The following GLIS3 variants were observed in gnomAD, a reference collection of about 807,000 sequenced individuals.
GLIS3 encodes the protein zinc finger protein GLIS3.
Under a neutral mutation model 78.6 loss-of-function variants are expected in GLIS3, and 53 were observed. That is an observed-to-expected ratio of 0.67 (90% CI 0.54 to 0.85). GLIS3 has a LOEUF of 0.85. Among genes scored for constraint, GLIS3 ranks in the 40% least tolerant of loss-of-function variants. The probability of loss-of-function intolerance (pLI) is 0.00; values close to 1 mark genes in which losing one functional copy is unlikely to be tolerated. For synonymous variants in GLIS3, 684 were observed against 509.9 expected (o/e 1.34, Z -4.60); for missense variants, 1,703 against 1,231.1 (o/e 1.38, Z -5.74).
At chr9:4,407,694 G>T in the GLIS3 span, among the ~76,000 whole-genome samples, 2 of 152,122 alleles carry the variant, frequency 1.3e-5, no homozygotes, top group African/African-American at 4.8e-5. Context: ...AAACTATCCA[G>T]AACATTGGTC....
chr9:4,329,221 T>C (rs1817647333), intron 2 of GLIS3, among the ~76,000 whole-genome samples: 1 of 152,086 alleles, frequency 6.6e-6, no homozygotes, highest in Admixed American at 6.5e-5. Flanking sequence ...GATAATGTTC[T>C]GAGTCCACGA....
At chr9:3,965,659 G>A (rs1817886975) in intron 4 of GLIS3, among the ~76,000 whole-genome samples, 1 of 152,192 alleles carries the variant, frequency 6.6e-6, no homozygotes, top group African/African-American at 2.4e-5. Context: ...CAGTGCAGCA[G>A]AAGGAGTGGA....
intron 4 of GLIS3, among the ~76,000 whole-genome samples, chr9:4,052,947 T>A (rs916373298): frequency 2.7e-5 from 4 of 147,564 alleles, no homozygotes; most frequent in Admixed American, 6.6e-5. Flanking sequence ...TTTAATTTAG[T>A]ATTTTAATTT....
chr9:3,862,549 A>C (rs1291688812), intron 8 of GLIS3, among the ~76,000 whole-genome samples: 1 of 152,180 alleles, frequency 6.6e-6, no homozygotes, highest in Non-Finnish European at 1.5e-5. Flanking sequence ...ATTTACTAAT[A>C]GATTGTGTTA....
chr9:4,050,058 G>A (rs900842211), intron 4 of GLIS3, among the ~76,000 whole-genome samples: 1 of 152,120 alleles, frequency 6.6e-6, no homozygotes, highest in Non-Finnish European at 1.5e-5. Flanking sequence ...CAGGGATCTA[G>A]AACTAGAAAT....
chr9:3,934,848 T>G lies in GLIS3; in HGVS notation c.1872+2180A>C, dbSNP rs1326799214. 2.6e-5 allele frequency among the ~76,000 whole-genome samples: 4 copies of G among 152,204 alleles called. No homozygotes were observed. The East Asian group carries it at 7.7e-4, about 29-fold the overall frequency. On this transcript the variant is annotated intron_variant, in intron 5 of 10. Coordinates refer to ENST00000381971, the MANE Select transcript of GLIS3 (RefSeq NM_001042413.2). ...CCAAAAAAGTAATGTCAGGGACTGATCTAAGTAGTACTGCTGCAACTGTCA... is the reference window on the plus strand; with the variant it reads ...CCAAAAAAGTAATGTCAGGGACTGAGCTAAGTAGTACTGCTGCAACTGTCA...
At position 3,912,786 on chromosome 9, in the gene GLIS3, A is replaced by G. The variant is rs80143460; in HGVS notation, c.1984-13951T>C. 5.9e-3 allele frequency among the ~76,000 whole-genome samples: 896 copies of G among 152,278 alleles called. 19 individuals carry two copies. The highest frequency in any genetic ancestry group is 0.021 in the African/African-American group (868 of 41,556). The stretch of plus-strand genomic sequence containing the variant: ...AATGCATTCTTCTTTTTTTAGAAAA[A>G]CAGAGAAATGTTAATACGGAATTTC... On this transcript the variant is annotated intron_variant, in intron 6 of 10. Transcript: ENST00000381971.
intron 2 of GLIS3, among the ~76,000 whole-genome samples, chr9:4,312,677 C>A (rs779374797): frequency 2.0e-5 from 3 of 152,220 alleles, no homozygotes; most frequent in Non-Finnish European, 4.4e-5. Flanking sequence ...TAGGCCTTTT[C>A]TATCCTTTCC....
intron 2 of GLIS3, among the ~76,000 whole-genome samples, chr9:4,217,352 T>G (rs2131318979): frequency 6.6e-6 from 1 of 152,328 alleles, no homozygotes; most frequent in African/African-American, 2.4e-5. Context: ...AAAAACTTGT[T>G]TAGTCTTCAT....
intron 3 of GLIS3, among the ~76,000 whole-genome samples, chr9:4,123,485 T>C (rs895276210): frequency 2.0e-5 from 3 of 152,164 alleles, no homozygotes; most frequent in Admixed American, 6.5e-5. Flanking sequence ...GCATTATTTA[T>C]AATTTTTAAA....
chr9:4,317,117 A>C (rs1053572026), intron 2 of GLIS3, among the ~76,000 whole-genome samples: 2 of 152,224 alleles, frequency 1.3e-5, no homozygotes, highest in African/African-American at 2.4e-5. Context: ...CTATTGGCTA[A>C]GAAAAAGAAA....
At chr9:3,842,694 G>A (rs937804045) in intron 9 of GLIS3, among the ~76,000 whole-genome samples, 14 of 152,106 alleles carry the variant, frequency 9.2e-5, no homozygotes, top group African/African-American at 3.4e-4. Context: ...TGAGCTCTAC[G>A]GCCGACTCTG....
At chr9:4,324,112 C>T (rs1407754241) in intron 2 of GLIS3, among the ~76,000 whole-genome samples, 8 of 152,218 alleles carry the variant, frequency 5.3e-5, no homozygotes, top group East Asian at 1.9e-4. Flanking sequence ...TATGTAACTC[C>T]TGCACACATA....
chr9:4,371,553 G>C, the GLIS3 span, among the ~76,000 whole-genome samples: 2 of 152,048 alleles, frequency 1.3e-5, no homozygotes, highest in African/African-American at 4.8e-5. Flanking sequence ...CTTGCCAATG[G>C]GGACACCCTA....
At chr9:4,009,060 C>T (rs1343312092) in intron 4 of GLIS3, among the ~76,000 whole-genome samples, 1 of 152,196 alleles carries the variant, frequency 6.6e-6, no homozygotes, top group Non-Finnish European at 1.5e-5. Context: ...GATATTCCTT[C>T]TCTTCTCTTA....
At chr9:4,091,443 T>C (rs530160926) in intron 4 of GLIS3, among the ~76,000 whole-genome samples, 54 of 152,072 alleles carry the variant, frequency 3.6e-4, no homozygotes, top group African/African-American at 1.3e-3. Context: ...TTATCCTTAG[T>C]GGAAATAAAA....
chr9:4,366,995 A>G, the GLIS3 span, among the ~76,000 whole-genome samples: 1 of 152,240 alleles, frequency 6.6e-6, no homozygotes, highest in African/African-American at 2.4e-5. Context: ...CCGTGAATGA[A>G]GGATGAGGAT....
chr9:3,977,552 T>A lies in GLIS3; in HGVS notation c.1711-40363A>T, dbSNP rs1326735907. Among the ~76,000 whole-genome samples, 1 of 152,178 alleles carries A rather than the reference T, an allele frequency of 6.6e-6. No individual in the cohort carries two copies. The highest frequency in any genetic ancestry group is 1.5e-5 in the Non-Finnish European group (1 of 68,032). On this transcript the variant is annotated intron_variant, in intron 4 of 10. Transcript: ENST00000381971. This position sits in a 1 kb window ranked among gnomAD's most constrained non-coding sequence, Gnocchi z 4.1. ...CCATCAAAACAGCAGATATATACCC[T>A]GCTCAGATGTGCTGTATGGGATGTG...
At chr9:4,224,322 T>C (rs991446878) in intron 2 of GLIS3, among the ~76,000 whole-genome samples, 1 of 152,230 alleles carries the variant, frequency 6.6e-6, no homozygotes, top group African/African-American at 2.4e-5. Flanking sequence ...AACAGCTTGC[T>C]AACAAACTGT....
Sources: gnomAD v4.1 joint callset for allele counts (sites outside exome capture counted in the v4.1 genomes callset) on GRCh38, gnomAD v4.1.1 for gene constraint, Gnocchi (gnomAD v3.1) non-coding constraint, MANE v1.5 for transcripts, NCBI Gene and HGNC (gene_info 2026-07-23, HGNC 2026-07-21) for gene names.